Variants in EPHA7 observed in about 807,000 individuals in gnomAD.
EPHA7 encodes ephrin type-A receptor 7.
Under a neutral mutation model 112.6 loss-of-function variants are expected in EPHA7, and 25 were observed. The observed-to-expected ratio is 0.22, with a 90% CI of 0.16 to 0.31. EPHA7 has a LOEUF of 0.31. Ranked by LOEUF, EPHA7 falls within the 10% of genes least tolerant of loss-of-function variation. The probability of loss-of-function intolerance (pLI) is 1.00; values close to 1 mark genes in which losing one functional copy is unlikely to be tolerated. For synonymous variants in EPHA7, 437 were observed against 406.5 expected (o/e 1.07, Z -0.90); for missense variants, 962 against 1,212.6 (o/e 0.79, Z 3.07).
chr6:93,252,429 C>G (rs1349339321), intron 14 of EPHA7, among the ~76,000 whole-genome samples: 1 of 83,970 alleles, frequency 1.2e-5, no homozygotes, highest in African/African-American at 3.2e-5. Context: ...AGGCAACCTT[C>G]CCAGAAAAAA....
chr6:93,417,355 G>A (rs1398191661), intron 1 of EPHA7, among the ~76,000 whole-genome samples: 2 of 152,094 alleles, frequency 1.3e-5, no homozygotes, highest in East Asian at 3.9e-4. Flanking sequence ...TCGCCGCTGC[G>A]CCCTAGAGGC....
chr6:93,314,078 T>C (rs77343935), intron 5 of EPHA7, among the ~76,000 whole-genome samples: 1 of 152,146 alleles, frequency 6.6e-6, no homozygotes, highest in African/African-American at 2.4e-5. Context: ...TGTTTTTTTT[T>C]CTGTTTCATT....
Position 93,419,238 on chromosome 6 carries a change from A to AC in EPHA7, c.97+6dup, listed in dbSNP as rs769947702. On this transcript the variant is annotated splice_region_variant and intron_variant, in intron 1 of 16. Coordinates refer to ENST00000369303, the MANE Select transcript of EPHA7 (RefSeq NM_004440.4). ...TCAGAACAAACTTTGCTTTCCCATC[A>AC]CCTTACCTTCCTTCGCAGCCTGCGC... The AC allele has an allele frequency of 1.2e-5, 19 of 1,611,380 alleles. No homozygotes were observed. Among genetic ancestry groups the AC allele is most frequent in the Non-Finnish European group, 1.5e-5 (18 of 1,178,120 alleles).
At chr6:93,298,493 A>G (rs1280132399) in intron 5 of EPHA7, among the ~76,000 whole-genome samples, 1 of 152,170 alleles carries the variant, frequency 6.6e-6, no homozygotes, top group Non-Finnish European at 1.5e-5. Context: ...TATTATATAT[A>G]CATATATGAA....
At chr6:93,280,847 T>C (rs767275471) in intron 5 of EPHA7, among the ~76,000 whole-genome samples, 1 of 152,164 alleles carries the variant, frequency 6.6e-6, no homozygotes, top group Non-Finnish European at 1.5e-5. Context: ...TATTATGACT[T>C]TGTTTGTATT....
chr6:93,287,622 T>C (rs1046952343), intron 5 of EPHA7, among the ~76,000 whole-genome samples: 2 of 151,894 alleles, frequency 1.3e-5, no homozygotes, highest in Non-Finnish European at 2.9e-5. Flanking sequence ...GTACAGATTA[T>C]TTCATCACCA....
chr6:93,314,638 C>A (rs532457905), intron 5 of EPHA7, among the ~76,000 whole-genome samples: 3 of 151,854 alleles, frequency 2.0e-5, no homozygotes, highest in East Asian at 1.9e-4. Context: ...AAGAATACAA[C>A]CAATTTTGTG....
intron 5 of EPHA7, among the ~76,000 whole-genome samples, chr6:93,309,675 AC>A (rs1455082462): frequency 1.3e-5 from 2 of 152,066 alleles, no homozygotes; most frequent in Non-Finnish European, 2.9e-5. Flanking sequence ...ATAAATTCAT[AC>A]CCATTCAAAT....
intron 5 of EPHA7, among the ~76,000 whole-genome samples, chr6:93,325,032 G>A (rs1217894580): frequency 1.3e-5 from 2 of 151,268 alleles, no homozygotes; most frequent in East Asian, 1.9e-4. Context: ...CTGGGGTTAT[G>A]TAGTATAAAA....
intron 5 of EPHA7, among the ~76,000 whole-genome samples, chr6:93,296,442 A>AAT (rs1163668149): frequency 4.5e-5 from 4 of 87,980 alleles, no homozygotes; most frequent in Admixed American, 1.3e-4. Flanking sequence ...AAAATATATA[A>AAT]ATATATATAT....
intron 5 of EPHA7, among the ~76,000 whole-genome samples, chr6:93,285,863 G>A (rs1236457956): frequency 6.6e-6 from 1 of 152,120 alleles, no homozygotes; most frequent in African/African-American, 2.4e-5. Context: ...GTTAGAGCTG[G>A]GGTCTGTGGC....
At chr6:93,293,429 A>C (rs1772487980) in intron 5 of EPHA7, among the ~76,000 whole-genome samples, 1 of 152,190 alleles carries the variant, frequency 6.6e-6, no homozygotes, top group Admixed American at 6.5e-5. Context: ...CATATAAGAC[A>C]TTTAGAAAAA....
chr6:93,299,610 C>G (rs552239235), intron 5 of EPHA7, among the ~76,000 whole-genome samples: 1 of 152,002 alleles, frequency 6.6e-6, no homozygotes, highest in East Asian at 1.9e-4. Context: ...AACTACCATT[C>G]GACACAACAA....
intron 5 of EPHA7, among the ~76,000 whole-genome samples, chr6:93,309,964 A>G (rs1178203448): frequency 2.0e-5 from 3 of 152,218 alleles, no homozygotes; most frequent in African/African-American, 7.2e-5. Context: ...TAAGAGGTGG[A>G]TTTTAATCAC....
chr6:93,386,934 G>T (rs2127976926), intron 3 of EPHA7, among the ~76,000 whole-genome samples: 1 of 152,140 alleles, frequency 6.6e-6, no homozygotes, highest in Non-Finnish European at 1.5e-5. Context: ...CCTGGACCTG[G>T]CCCACAAAAC....
intron 5 of EPHA7, among the ~76,000 whole-genome samples, chr6:93,289,671 G>T (rs1208157220): frequency 6.6e-6 from 1 of 152,058 alleles, no homozygotes; most frequent in Non-Finnish European, 1.5e-5. Flanking sequence ...GAATAATTTT[G>T]TTAAAAGTAA....
chr6:93,352,884 A>G (rs1775765482), intron 5 of EPHA7, among the ~76,000 whole-genome samples: 1 of 152,092 alleles, frequency 6.6e-6, no homozygotes, highest in African/African-American at 2.4e-5. Flanking sequence ...GAGCTAAATG[A>G]TGAGAACACA....
At chr6:93,361,253 A>G (rs955615955) in intron 3 of EPHA7, among the ~76,000 whole-genome samples, 15 of 152,118 alleles carry the variant, frequency 9.9e-5, no homozygotes, top group African/African-American at 2.7e-4. Flanking sequence ...ATTGAAAATA[A>G]TAAGTTGAAG....
At chr6:93,312,823 A>T (rs1251026672) in intron 5 of EPHA7, among the ~76,000 whole-genome samples, 2 of 152,142 alleles carry the variant, frequency 1.3e-5, no homozygotes, top group African/African-American at 2.4e-5. Context: ...ACTTAGAAGC[A>T]CTTTAGAGTT....
Sources: gnomAD v4.1 joint callset for allele counts (sites outside exome capture counted in the v4.1 genomes callset) on GRCh38, gnomAD v4.1.1 for gene constraint, MANE v1.5 for transcripts, NCBI Gene and HGNC (gene_info 2026-07-23, HGNC 2026-07-21) for gene names.